PDE4D: variants seen among roughly 807,000 people sequenced by gnomAD.
PDE4D encodes the protein phosphodiesterase 4D.
PDE4D carries 24 observed loss-of-function variants against 87.4 expected under a neutral mutation model. That is an observed-to-expected ratio of 0.27 (90% CI 0.20 to 0.39). The LOEUF is 0.39. PDE4D is among the 10% of genes least tolerant of loss of function. PDE4D has a pLI of 1.00. For synonymous variants in PDE4D, 384 were observed against 383.2 expected (o/e 1.00, Z -0.02); for missense variants, 714 against 1,041.0 (o/e 0.69, Z 4.32).
chr5:60,246,202 G>A lies in PDE4D; in HGVS notation c.-89-60515C>T, dbSNP rs1021328968. ...GCTTCTCATACAATATTTAATGGATGAATTTAATTAATATTAACATTCAGT... is the reference window on the plus strand; with the variant it reads ...GCTTCTCATACAATATTTAATGGATAAATTTAATTAATATTAACATTCAGT... On this transcript the variant is annotated intron_variant, in intron 1 of 16. Coordinates refer to the PDE4D transcript ENST00000502484. 3.0e-4 allele frequency among the ~76,000 whole-genome samples: 45 copies of A among 151,644 alleles called. No homozygotes were observed. The East Asian group carries it at 5.6e-3, about 19-fold the overall frequency.
chr5:59,715,350 A>G (rs1754853050), intron 1 of PDE4D, among the ~76,000 whole-genome samples: 1 of 152,034 alleles, frequency 6.6e-6, no homozygotes, highest in Non-Finnish European at 1.5e-5. Flanking sequence ...GGCCTGAAGC[A>G]CCCCTACATG....
intron 1 of PDE4D, among the ~76,000 whole-genome samples, chr5:59,337,038 G>C (rs747167512): frequency 2.6e-5 from 4 of 152,126 alleles, no homozygotes; most frequent in Admixed American, 1.3e-4. Context: ...CTGTGAGCAG[G>C]CTCTAAAAAG....
At chr5:60,132,060 TG>T (rs1368500562) in intron 2 of PDE4D, among the ~76,000 whole-genome samples, 2 of 152,224 alleles carry the variant, frequency 1.3e-5, no homozygotes, top group African/African-American at 4.8e-5. Context: ...TTCTCTTTAT[TG>T]TTGTGCATTA....
At position 60,082,217 on chromosome 5, in the gene PDE4D, A is replaced by T. The variant is rs117210106; in HGVS notation, c.43-93500T>A. Among the ~76,000 whole-genome samples, 31 of 152,270 alleles carry T rather than the reference A, an allele frequency of 2.0e-4. No homozygotes were observed. In the East Asian group the frequency reaches 5.2e-3, roughly 26 times the overall value. On this transcript the variant is annotated intron_variant, in intron 2 of 16. Transcript: ENST00000502484. ...TAGGAGGTAGGGCCTTTGGGAGGTA[A>T]TTAGGTAATGAAGGCAGAGTCCTAA...
intron 1 of PDE4D, among the ~76,000 whole-genome samples, chr5:59,765,346 T>G (rs925507577): frequency 6.6e-6 from 1 of 152,228 alleles, no homozygotes; most frequent in African/African-American, 2.4e-5. Flanking sequence ...ACAGATGTTA[T>G]TCTAAGAATT....
chr5:59,822,097 A>C (rs1769755934), intron 1 of PDE4D, among the ~76,000 whole-genome samples: 1 of 152,174 alleles, frequency 6.6e-6, no homozygotes, highest in Non-Finnish European at 1.5e-5. Context: ...ATGACAGGCT[A>C]CTGTTTATTT....
chr5:59,171,262 G>C (rs952993456), intron 5 of PDE4D, among the ~76,000 whole-genome samples: 3 of 152,174 alleles, frequency 2.0e-5, no homozygotes, highest in Non-Finnish European at 4.4e-5. Flanking sequence ...TCTCTGAAGA[G>C]TTGTGAACCC....
intron 5 of PDE4D, 139 bp downstream of exon 5, chr5:59,180,456 G>T: frequency 1.3e-6 from 1 of 762,208 alleles, no homozygotes; most frequent in Non-Finnish European, 2.3e-6. Context: ...ATCAATGATA[G>T]AAATGATAAT....
intron 1 of PDE4D, among the ~76,000 whole-genome samples, chr5:59,839,978 T>C (rs796081118): frequency 7.9e-5 from 12 of 152,160 alleles, no homozygotes; most frequent in African/African-American, 2.9e-4. Flanking sequence ...TCTGAGTTCT[T>C]GTCCTGTCCT....
At chr5:59,801,403 T>A (rs1767110810) in intron 1 of PDE4D, among the ~76,000 whole-genome samples, 1 of 152,216 alleles carries the variant, frequency 6.6e-6, no homozygotes, top group Admixed American at 6.5e-5. Context: ...CATCATTATT[T>A]GAGAAAGAGC....
At chr5:60,110,326 A>G (rs1051347179) in intron 2 of PDE4D, among the ~76,000 whole-genome samples, 31 of 152,162 alleles carry the variant, frequency 2.0e-4, no homozygotes, top group African/African-American at 6.3e-4. Flanking sequence ...ATTCAACAGA[A>G]AAAAACAAAT....
At chr5:59,197,161 G>A (rs27186) in intron 2 of PDE4D, among the ~76,000 whole-genome samples, 151,645 of 152,290 alleles carry the variant, frequency 1, 75,545 homozygotes, top group Middle Eastern at 1. Flanking sequence ...TATATAGATT[G>A]CAGTGGATTT....
chr5:59,639,145 A>G (rs978502589), intron 1 of PDE4D, among the ~76,000 whole-genome samples: 6 of 152,216 alleles, frequency 3.9e-5, no homozygotes, highest in Non-Finnish European at 8.8e-5. Context: ...CCAAATTATT[A>G]TACATCTATA....
rs115207136 is a variant in PDE4D at position 59,344,923 on chromosome 5, T to C, written c.456-128955A>G. ...CTAAATTTTTCCTGACATCATCTAA[T>C]AATTAATGATCACATTTTGACATGG... On this transcript the variant is annotated intron_variant, in intron 1 of 14. Coordinates refer to ENST00000340635, the MANE Select transcript of PDE4D (RefSeq NM_001104631.2). Among the ~76,000 whole-genome samples the C allele has an allele frequency of 5.2e-3, 786 of 152,234 alleles. 9 individuals are homozygous for C. The highest frequency in any genetic ancestry group is 0.018 in the African/African-American group (748 of 41,544).
intron 2 of PDE4D, among the ~76,000 whole-genome samples, chr5:60,096,806 G>A (rs187627578): frequency 6.6e-6 from 1 of 152,080 alleles, no homozygotes; most frequent in East Asian, 1.9e-4. Flanking sequence ...GAGCTTTTAT[G>A]GTATTTAATT....
At chr5:60,430,414 G>T in intron 1 of PDE4D, 4 of 326,816 alleles carry the variant, frequency 1.2e-5, no homozygotes, top group South Asian at 1.1e-4. Context: ...TTCCCTGAGG[G>T]CCTCGACCCT....
At chr5:59,218,782 A>C (rs4700324) in intron 1 of PDE4D, among the ~76,000 whole-genome samples, 10,509 of 152,138 alleles carry the variant, frequency 0.069, 505 homozygotes, top group African/African-American at 0.12. Context: ...TGATAAAATT[A>C]CATTAATCTA....
chr5:59,172,015 TA>T lies in PDE4D; in HGVS notation c.808+8579del. ...TATTATATATATAATAAATATATAT[TA>T]TATATATAATAAATATATATTATAT... On this transcript the variant is annotated intron_variant, in intron 5 of 14. Transcript: ENST00000340635. 6.6e-5 allele frequency among the ~76,000 whole-genome samples: 3 copies of T among 45,624 alleles called. 1 individual carries two copies. Among genetic ancestry groups the T allele is most frequent in the Non-Finnish European group, 1.0e-4 (3 of 28,950 alleles). The allele number at this position is 45,624 out of a possible 152,430, so 29.9% of individuals were successfully genotyped here. A position where few individuals can be genotyped will look rare whatever the true frequency, so the allele number is the denominator to read the frequency against.
chr5:59,032,148 A>G (rs1307565015), intron 6 of PDE4D, among the ~76,000 whole-genome samples: 1 of 152,248 alleles, frequency 6.6e-6, no homozygotes, highest in African/African-American at 2.4e-5. Context: ...AATTAGCTTT[A>G]CTAAATCTTT....
Sources: allele counts gnomAD v4.1 joint callset (sites outside exome capture counted in the v4.1 genomes callset), GRCh38; gene constraint gnomAD v4.1.1; transcripts MANE v1.5; gene names NCBI Gene and HGNC (gene_info 2026-07-23, HGNC 2026-07-21).